C12orf42: variants seen among roughly 807,000 people sequenced by gnomAD.
The protein encoded by C12orf42 is uncharacterized protein C12orf42.
Under a neutral mutation model 21.6 loss-of-function variants are expected in C12orf42, and 25 were observed. That is an observed-to-expected ratio of 1.16 (90% confidence interval 0.84 to 1.62). The LOEUF is 1.62. Ranked by LOEUF, C12orf42 falls within the 40% of genes most tolerant of loss-of-function variation. C12orf42 has a pLI of 0.00. For missense variants in C12orf42, 483 were observed against 459.3 expected (o/e 1.05, Z -0.47); for synonymous variants, 174 against 175.0 (o/e 0.99, Z 0.05).
chr12:103,341,409 T>C (rs1220486122), intron 4 of C12orf42, among the ~76,000 whole-genome samples: 1 of 151,980 alleles, frequency 6.6e-6, no homozygotes, highest in Non-Finnish European at 1.5e-5. Context: ...GTCCAATACA[T>C]GCACAATTGG....
In C12orf42 at chr12:103,378,136, A is replaced by G. The variant is rs1391048255; in HGVS notation, c.148-9138T>C. Among the ~76,000 whole-genome samples the G allele has an allele frequency of 3.3e-5, 5 of 152,316 alleles. No homozygotes were observed. In the East Asian group the frequency reaches 9.7e-4, roughly 29 times the overall value. On this transcript the variant is annotated intron_variant, in intron 3 of 5. Coordinates refer to ENST00000548883, the MANE Select transcript of C12orf42 (RefSeq NM_198521.5). ...TCCTACACAACCACCAAAAGGACTC[A>G]ATAAATTTATATTTCTGCCCACATG...
At chr12:103,309,777 T>C (rs2038778594) in intron 4 of C12orf42, among the ~76,000 whole-genome samples, 1 of 152,196 alleles carries the variant, frequency 6.6e-6, no homozygotes, top group South Asian at 2.1e-4. Context: ...AAGACACATA[T>C]TTCCTGAATT....
the C12orf42 span, among the ~76,000 whole-genome samples, chr12:103,218,857 T>G: frequency 6.6e-6 from 1 of 152,172 alleles, no homozygotes; most frequent in Non-Finnish European, 1.5e-5. Flanking sequence ...TTAGCAAGAA[T>G]CTTATTAACT....
intron 1 of C12orf42, among the ~76,000 whole-genome samples, chr12:103,481,518 CT>C (rs1487340247): frequency 6.6e-6 from 1 of 151,780 alleles, no homozygotes; most frequent in African/African-American, 2.4e-5. Flanking sequence ...TTTCTAAATT[CT>C]TTTTTTATTG....
At chr12:103,279,339 A>T (rs1474615873) in intron 4 of C12orf42, among the ~76,000 whole-genome samples, 1 of 152,198 alleles carries the variant, frequency 6.6e-6, no homozygotes. Flanking sequence ...ATTCAAACCC[A>T]TCAAAATGCA....
intron 3 of C12orf42, among the ~76,000 whole-genome samples, chr12:103,378,415 C>T (rs1403410383): frequency 6.6e-6 from 1 of 152,090 alleles, no homozygotes; most frequent in Non-Finnish European, 1.5e-5. Flanking sequence ...ACCATAGGCA[C>T]CAACTTGTCT....
the C12orf42 span, among the ~76,000 whole-genome samples, chr12:103,062,854 C>T: frequency 6.6e-5 from 10 of 152,160 alleles, no homozygotes; most frequent in East Asian, 1.9e-3. Flanking sequence ...CATTCTATCT[C>T]TCCCTCTCTT....
chr12:103,504,290 C>T, the C12orf42 span: 1 of 156,766 alleles, frequency 6.4e-6, no homozygotes, highest in Non-Finnish European at 1.4e-5. Context: ...CACCTGTGGC[C>T]AACCTGTTTG....
At chr12:103,375,571 C>G (rs1254526623) in intron 3 of C12orf42, among the ~76,000 whole-genome samples, 1 of 152,054 alleles carries the variant, frequency 6.6e-6, no homozygotes, top group Admixed American at 6.6e-5. Context: ...TATCACATAG[C>G]AACATATTAT....
intron 1 of C12orf42, among the ~76,000 whole-genome samples, chr12:103,488,761 T>A (rs1955001314): frequency 6.6e-6 from 1 of 152,246 alleles, no homozygotes; most frequent in South Asian, 2.1e-4. Flanking sequence ...AGCTTGTGCA[T>A]GTGTCACGAA....
chr12:103,432,981 A>G (rs1382318475), intron 2 of C12orf42, among the ~76,000 whole-genome samples: 1 of 152,234 alleles, frequency 6.6e-6, no homozygotes, highest in Admixed American at 6.5e-5. Context: ...ACTATACAAA[A>G]TAGATTAAAA....
the C12orf42 span, among the ~76,000 whole-genome samples, chr12:103,186,555 T>C: frequency 3.3e-5 from 5 of 152,330 alleles, no homozygotes; most frequent in South Asian, 6.2e-4. Context: ...TGGCAGAAAC[T>C]TTATTATCTC....
chr12:103,308,799 T>C (rs2038640923), intron 4 of C12orf42, among the ~76,000 whole-genome samples: 1 of 152,180 alleles, frequency 6.6e-6, no homozygotes, highest in South Asian at 2.1e-4. Flanking sequence ...TTTGCAAAGA[T>C]AATTAAGCTA....
intron 4 of C12orf42, among the ~76,000 whole-genome samples, chr12:103,351,416 C>T (rs2043089684): frequency 6.6e-6 from 1 of 152,108 alleles, no homozygotes; most frequent in African/African-American, 2.4e-5. Flanking sequence ...CCTACCCTGT[C>T]ACGGAGGCTG....
chr12:103,394,635 A>G (rs1028599609), intron 3 of C12orf42, among the ~76,000 whole-genome samples: 2 of 152,210 alleles, frequency 1.3e-5, no homozygotes, highest in Non-Finnish European at 2.9e-5. Flanking sequence ...TTCCACAAAT[A>G]CTAACGATTG....
At chr12:103,226,212 G>T in the C12orf42 span, among the ~76,000 whole-genome samples, 1 of 152,222 alleles carries the variant, frequency 6.6e-6, no homozygotes, top group Admixed American at 6.5e-5. Flanking sequence ...GGAAGTTCTT[G>T]TGTGCTGGAG....
At chr12:103,559,605 G>A in the C12orf42 span, 1 of 152,186 alleles carries the variant, frequency 6.6e-6, no homozygotes, top group Non-Finnish European at 1.5e-5. Context: ...TGACATCCCT[G>A]AGCATCTCGA....
At chr12:103,530,735 G>A in the C12orf42 span, among the ~76,000 whole-genome samples, 1 of 152,156 alleles carries the variant, frequency 6.6e-6, no homozygotes, top group African/African-American at 2.4e-5. Flanking sequence ...TCTTCAGTGT[G>A]TGTTGAATAA....
chr12:103,157,107 C>A, the C12orf42 span, among the ~76,000 whole-genome samples: 1 of 152,132 alleles, frequency 6.6e-6, no homozygotes, highest in Non-Finnish European at 1.5e-5. Flanking sequence ...TAAAAGCGTT[C>A]TTATTTCTTC....
Sources: gnomAD v4.1 joint callset for allele counts (sites outside exome capture counted in the v4.1 genomes callset) on GRCh38, gnomAD v4.1.1 for gene constraint, MANE v1.5 for transcripts, NCBI Gene and HGNC (gene_info 2026-07-23, HGNC 2026-07-21) for gene names.